Variants in RNASEH2B observed in about 807,000 individuals in gnomAD.
RNASEH2B encodes ribonuclease H2 subunit B.
Under a neutral mutation model 45.0 loss-of-function variants are expected in RNASEH2B, and 36 were observed. The ratio of observed to expected loss-of-function variants is 0.80; its 90% CI spans 0.61 to 1.06. The LOEUF is 1.06. RNASEH2B is among the 50% of genes least tolerant of loss of function. RNASEH2B has a pLI of 0.00. For missense variants in RNASEH2B, 361 were observed against 360.3 expected, an observed-to-expected ratio of 1.00 and a Z score of -0.02; for synonymous variants, 119 against 125.7, an observed-to-expected ratio of 0.95 and a Z score of 0.35.
rs1180349260 is a variant in RNASEH2B, at chr13:50,949,516, G to A, written c.741+11G>A. On this transcript the variant is annotated intron_variant, in intron 9 of 10. Coordinates refer to ENST00000336617, the MANE Select transcript of RNASEH2B (RefSeq NM_024570.4). Reference sequence around the variant, plus strand: ...AATCCTCCATCAAAGGTAAGAAGCTGTGACTAAGATATCTTTGGGGGACTT... The same window carrying A: ...AATCCTCCATCAAAGGTAAGAAGCTATGACTAAGATATCTTTGGGGGACTT... The A allele has an allele frequency of 6.2e-7, 1 of 1,611,482 alleles. No homozygotes were observed. Among genetic ancestry groups the A allele is most frequent in the Admixed American group, 1.7e-5 (1 of 59,982 alleles).
At chr13:50,917,841 C>T (rs190959066) in intron 1 of RNASEH2B, among the ~76,000 whole-genome samples, 39 of 152,260 alleles carry the variant, frequency 2.6e-4, no homozygotes, top group African/African-American at 9.1e-4. Flanking sequence ...CCAGACATAC[C>T]TCCTTCCCTG....
rs544297582 is a variant in RNASEH2B, at chr13:50,923,371, C to T, written c.65-4036C>T. Among the ~76,000 whole-genome samples the T allele has an allele frequency of 3.3e-5, 5 of 152,202 alleles. No individual in the cohort carries two copies. In the South Asian group the frequency reaches 1.0e-3, roughly 32 times the overall value. On this transcript the variant is annotated intron_variant, in intron 1 of 10. Coordinates refer to ENST00000336617, the MANE Select transcript of RNASEH2B (RefSeq NM_024570.4). The stretch of plus-strand genomic sequence containing the variant: ...TAGGATAAACTCAAGGAGATCCATA[C>T]CTGTGTGTGTGTCGTAGTCAAACTG...
In RNASEH2B at chr13:50,956,442, G is replaced by GT. The variant is rs768221761; in HGVS notation, c.908dup (p.Asn305LysfsTer2). On this transcript the variant is annotated frameshift_variant, in exon 11 of 11. Coordinates refer to ENST00000336617, the MANE Select transcript of RNASEH2B (RefSeq NM_024570.4). LOFTEE classifies it high-confidence loss of function. ...GAAAAGTATTGATACCTTTTTTGGG[G>GT]TAAAAAATAAAAAAAAAATTGGAAA... is the stretch of plus-strand genomic sequence containing the variant. 1.3e-5 allele frequency: 21 copies of GT among 1,597,562 alleles called. No homozygotes were observed. The highest frequency in any genetic ancestry group is 1.8e-5 in the Non-Finnish European group (21 of 1,169,896).
chr13:50,956,143 A>C (rs951005202), intron 10 of RNASEH2B: 4 of 491,846 alleles, frequency 8.1e-6, no homozygotes, highest in African/African-American at 5.9e-5. Flanking sequence ...CTTAGAAGGC[A>C]GCAGTTTTGT....
At chr13:50,910,480 T>G in intron 1 of RNASEH2B, 2 of 230,554 alleles carry the variant, frequency 8.7e-6, no homozygotes, top group Non-Finnish European at 1.7e-5. Flanking sequence ...TGGTGTCCCC[T>G]ACCTGGCAGC....
In RNASEH2B at chr13:50,916,643, A is replaced by G. The variant is rs531145418; in HGVS notation, c.64+6503A>G. Among the ~76,000 whole-genome samples, 14 of 152,362 alleles carry G rather than the reference A, an allele frequency of 9.2e-5. No homozygotes were observed. In the South Asian group the frequency reaches 2.9e-3, roughly 32 times the overall value. On this transcript the variant is annotated intron_variant, in intron 1 of 10. Transcript: ENST00000336617. The stretch of plus-strand genomic sequence containing the variant: ...GGCAAACTAGGATGTTTCAAAAGCC[A>G]TTCAAAGCAGGTTACATTTTTGAGG...
At chr13:50,917,776 G>A (rs76805827) in intron 1 of RNASEH2B, among the ~76,000 whole-genome samples, 1,851 of 152,250 alleles carry the variant, frequency 0.012, 33 homozygotes, top group African/African-American at 0.043. Flanking sequence ...TGTGGGAGAG[G>A]CCAGAGGACC....
At chr13:50,923,298 T>G (rs951036214) in intron 1 of RNASEH2B, among the ~76,000 whole-genome samples, 1 of 152,142 alleles carries the variant, frequency 6.6e-6, no homozygotes, top group African/African-American at 2.4e-5. Context: ...CAAATTTGAT[T>G]TAAAAAAATA....
chr13:50,967,043 T>A (rs949103977), intron 9 of RNASEH2B, among the ~76,000 whole-genome samples: 14 of 152,222 alleles, frequency 9.2e-5, no homozygotes, highest in Non-Finnish European at 5.9e-5. Flanking sequence ...GTCATTGGCA[T>A]CTCTGGCCCC....
chr13:50,943,124 T>C (rs1942262949), intron 5 of RNASEH2B, 197 bp from the exon 6 acceptor site: 1 of 512,836 alleles, frequency 1.9e-6, no homozygotes. Flanking sequence ...CATTTAGTGG[T>C]TGATGACTCC....
chr13:50,966,609 G>A (rs959833469), intron 9 of RNASEH2B, among the ~76,000 whole-genome samples: 1 of 151,476 alleles, frequency 6.6e-6, no homozygotes, highest in Non-Finnish European at 1.5e-5. Flanking sequence ...CTCAGACCCT[G>A]TCATCTTTCA....
At chr13:50,910,451 C>G (rs1566071497) in intron 1 of RNASEH2B, 2 of 277,940 alleles carry the variant, frequency 7.2e-6, no homozygotes, top group Non-Finnish European at 1.3e-5. Context: ...GCGCTGCGGG[C>G]CCCGGAGGTT....
chr13:50,945,074 T>C (rs1049747643), intron 6 of RNASEH2B, among the ~76,000 whole-genome samples: 15 of 152,104 alleles, frequency 9.9e-5, no homozygotes, highest in African/African-American at 2.7e-4. Flanking sequence ...GCTATTTTTT[T>C]CCCCCATTTC....
At chr13:50,950,041 T>TG (rs1159647240) in intron 9 of RNASEH2B, 3 of 153,546 alleles carry the variant, frequency 2.0e-5, no homozygotes, top group Admixed American at 1.9e-4. Context: ...TACCCACAGC[T>TG]CCTCTGCAGC....
intron 9 of RNASEH2B, among the ~76,000 whole-genome samples, chr13:50,963,726 A>G (rs1314349527): frequency 6.6e-6 from 1 of 152,162 alleles, no homozygotes; most frequent in Admixed American, 6.5e-5. Context: ...TTTAGATATG[A>G]TGTTCACCCA....
intron 9 of RNASEH2B, among the ~76,000 whole-genome samples, chr13:50,967,118 G>A (rs1281773130): frequency 2.0e-5 from 3 of 152,078 alleles, no homozygotes; most frequent in African/African-American, 4.8e-5. Context: ...CCCTCCAGCC[G>A]CTGGTGCTTG....
At chr13:50,918,414 G>A (rs1410664702) in intron 1 of RNASEH2B, among the ~76,000 whole-genome samples, 11 of 152,216 alleles carry the variant, frequency 7.2e-5, no homozygotes, top group Admixed American at 5.2e-4. Flanking sequence ...TGGGATTACA[G>A]GCGTGAGCCA....
intron 2 of RNASEH2B, chr13:50,928,302 T>C (rs1466888476): frequency 8.5e-5 from 13 of 152,210 alleles, no homozygotes; most frequent in Non-Finnish European, 2.9e-5. Context: ...CTTGTTGTTA[T>C]AGAGACATGT....
intron 5 of RNASEH2B, chr13:50,935,498 A>G (rs1375537970): frequency 6.0e-6 from 1 of 166,964 alleles, no homozygotes; most frequent in Non-Finnish European, 1.3e-5. Context: ...GTGACCGCAC[A>G]GTGTAACGGA....
Sources: gnomAD v4.1 joint callset for allele counts (sites outside exome capture counted in the v4.1 genomes callset) on GRCh38, gnomAD v4.1.1 for gene constraint, MANE v1.5 for transcripts, NCBI Gene and HGNC (gene_info 2026-07-23, HGNC 2026-07-21) for gene names.